The following UBR2 variants were observed in gnomAD, a reference collection of about 807,000 sequenced individuals.
The protein encoded by UBR2 is E3 ubiquitin-protein ligase UBR2.
UBR2 carries 92 observed loss-of-function variants against 247.9 expected under a neutral mutation model. That is an observed-to-expected ratio of 0.37 (90% CI 0.31 to 0.44). The LOEUF is 0.44. Among genes scored for constraint, UBR2 ranks in the 20% least tolerant of loss-of-function variants. UBR2 has a pLI of 1.00. For synonymous variants in UBR2, 672 were observed against 693.5 expected (o/e 0.97, Z 0.49); for missense variants, 1,613 against 2,112.6 (o/e 0.76, Z 4.64).
intron 26 of UBR2, among the ~76,000 whole-genome samples, chr6:42,657,597 T>A (rs1248766832): frequency 6.6e-6 from 1 of 152,254 alleles, no homozygotes; most frequent in Non-Finnish European, 1.5e-5. Flanking sequence ...AACTATGAAT[T>A]CCTAGGAGAA....
chr6:42,627,792 A>G (rs1161092026), intron 11 of UBR2, among the ~76,000 whole-genome samples: 1 of 152,110 alleles, frequency 6.6e-6, no homozygotes. Context: ...CATTACAGGC[A>G]TGAGCCACCA....
intron 1 of UBR2, among the ~76,000 whole-genome samples, chr6:42,566,833 GA>G (rs1294204717): frequency 6.6e-6 from 1 of 151,936 alleles, no homozygotes; most frequent in East Asian, 1.9e-4. Flanking sequence ...CTAGGCTCAA[GA>G]GATCCTCCTA....
intron 11 of UBR2, chr6:42,620,481 G>GTTTTTTTTTT (rs796314344): frequency 4.5e-4 from 30 of 66,672 alleles, no homozygotes; most frequent in African/African-American, 1.0e-3. Context: ...ATTAAGTGTT[G>GTTTTTTTTTT]TTTTTTTTTT....
intron 46 of UBR2, 120 bp from the exon 47 acceptor site, chr6:42,690,912 G>A: frequency 7.8e-7 from 1 of 1,282,180 alleles, no homozygotes; most frequent in Non-Finnish European, 1.1e-6. Flanking sequence ...CTGCCAGACA[G>A]AAATGTTGCA....
At chr6:42,616,626 A>G (rs1182821880) in intron 10 of UBR2, among the ~76,000 whole-genome samples, 1 of 148,904 alleles carries the variant, frequency 6.7e-6, no homozygotes, top group Non-Finnish European at 1.5e-5. Context: ...GAAAACATGT[A>G]TTTTGCTTTT....
chr6:42,565,804 C>T (rs961766410), intron 1 of UBR2, among the ~76,000 whole-genome samples: 1 of 152,042 alleles, frequency 6.6e-6, no homozygotes, highest in Admixed American at 6.6e-5. Context: ...AGGTGATCCA[C>T]CTGTTTGGGC....
intron 11 of UBR2, among the ~76,000 whole-genome samples, chr6:42,629,201 G>T (rs1455995989): frequency 6.6e-6 from 1 of 151,958 alleles, no homozygotes; most frequent in Non-Finnish European, 1.5e-5. Context: ...ATTTTTAGTA[G>T]AGAGGGGGTT....
chr6:42,615,753 A>T (rs1794499297), intron 9 of UBR2, among the ~76,000 whole-genome samples: 1 of 132,504 alleles, frequency 7.5e-6, no homozygotes, highest in South Asian at 2.3e-4. Flanking sequence ...GCAAGACCCT[A>T]AAAAAAAAAA....
Position 42,641,664 on chromosome 6 carries a change from G to C in UBR2, c.2003G>C (p.Arg668Thr). The change falls in exon 17 of 47, where the codon AGA becomes ACA. Residue 668 changes from arginine to threonine, a missense_variant. Coordinates refer to ENST00000372901, the MANE Select transcript of UBR2 (RefSeq NM_001363705.2). The part of the protein sequence containing the change: ...LCAQVHAGMW[R>T]RNGFSLVNQI... The stretch of plus-strand genomic sequence containing the variant: ...GCCCAAGTACATGCCGGAATGTGGA[G>C]AAGAAATGGGTTCTCTCTAGTAAAC... 1.9e-6 allele frequency: 3 copies of C among 1,609,934 alleles called. No individual in the cohort carries two copies. The highest frequency in any genetic ancestry group is 2.5e-6 in the Non-Finnish European group (3 of 1,178,544).
intron 11 of UBR2, among the ~76,000 whole-genome samples, chr6:42,620,801 T>TTTTGTTTG (rs150567240): frequency 2.0e-5 from 3 of 151,534 alleles, no homozygotes; most frequent in African/African-American, 7.3e-5. Context: ...CATGTACTAA[T>TTTTGTTTG]TTTGTTTGTT....
chr6:42,599,583 T>C (rs1793223067), intron 4 of UBR2, among the ~76,000 whole-genome samples: 1 of 151,988 alleles, frequency 6.6e-6, no homozygotes. Flanking sequence ...TTAGCAGAAT[T>C]ATTGCATGGT....
chr6:42,615,788 G>A (rs958059253), intron 9 of UBR2, among the ~76,000 whole-genome samples: 1 of 151,860 alleles, frequency 6.6e-6, no homozygotes, highest in African/African-American at 2.4e-5. Context: ...GCTGGGCATG[G>A]TGGTTCACAT....
In UBR2 at chr6:42,644,482, C is replaced by A; in HGVS notation, c.2230C>A (p.Gln744Lys). 6.2e-7 allele frequency: 1 copy of A among 1,611,814 alleles called. No individual in the cohort carries two copies. Among genetic ancestry groups the A allele is most frequent in the South Asian group, 1.1e-5 (1 of 90,890 alleles). The change falls in exon 20 of 47, where the codon CAG (glutamine) becomes AAG (lysine). Residue 744 changes from glutamine to lysine, a missense_variant. Around this residue, in one of 3 missense-constraint regions of UBR2, gnomAD observed 1,524 missense variants for 1,967.3 expected, o/e 0.77. Transcript: ENST00000372901. ...SSEITHKDVVQQNNTLIEEML... is the reference protein window; with the variant it reads ...SSEITHKDVVKQNNTLIEEML... ...CCCTCACTTGTTATAGGATGTTGTT[C>A]AGCAGAACAATACTCTAATAGAAGA...
At chr6:42,670,031 C>T (rs754305953) in intron 34 of UBR2, 61 bp from the exon 35 acceptor site, 56 of 1,571,728 alleles carry the variant, frequency 3.6e-5, no homozygotes, top group Admixed American at 8.7e-5. Context: ...GTTAAGAAAC[C>T]GAACCATTTG....
At chr6:42,605,621 A>C (rs1793650569) in intron 5 of UBR2, 100 bp from the exon 6 acceptor site, 1 of 1,061,562 alleles carries the variant, frequency 9.4e-7, no homozygotes, top group Admixed American at 2.4e-5. Context: ...TGTGTCCAGT[A>C]CCTAGCACAT....
In UBR2 at chr6:42,573,783, C is replaced by A. The variant is rs139450403; in HGVS notation, c.128C>A (p.Ala43Asp). The change falls in exon 2 of 47, where the codon GCC becomes GAC. Residue 43 changes from alanine (A) to aspartate (D), a missense_variant. Transcript: ENST00000372901. ...DLTREVYQHL[A>D]HYVPKIYCRG... is the part of the protein sequence containing the mutation. ...ACTAGAGAAGTGTACCAGCATTTAGCCCACTATGTACCCAAAATCTACTGC... is the reference window on the plus strand; with the variant it reads ...ACTAGAGAAGTGTACCAGCATTTAGACCACTATGTACCCAAAATCTACTGC... The A allele has an allele frequency of 1.9e-6, 3 of 1,609,862 alleles. No homozygotes were observed. Among genetic ancestry groups the A allele is most frequent in the Non-Finnish European group, 2.5e-6 (3 of 1,177,738 alleles).
intron 11 of UBR2, among the ~76,000 whole-genome samples, chr6:42,628,747 T>C (rs1387558438): frequency 6.7e-6 from 1 of 149,334 alleles, no homozygotes; most frequent in African/African-American, 2.5e-5. Flanking sequence ...AAAAAAATAG[T>C]GCTTATAATT....
At chr6:42,596,466 A>G (rs1274412117) in intron 4 of UBR2, among the ~76,000 whole-genome samples, 1 of 152,154 alleles carries the variant, frequency 6.6e-6, no homozygotes, top group African/African-American at 2.4e-5. Flanking sequence ...ACATTACCGT[A>G]TATTTCACAC....
chr6:42,568,917 C>T (rs750525179), intron 1 of UBR2, among the ~76,000 whole-genome samples: 4 of 152,108 alleles, frequency 2.6e-5, no homozygotes, highest in East Asian at 1.9e-4. Context: ...CTTTGAGCAT[C>T]GTGTGGGCAT....
Sources: allele counts gnomAD v4.1 joint callset (sites outside exome capture counted in the v4.1 genomes callset), GRCh38; gene constraint gnomAD v4.1.1; regional missense constraint gnomAD v4.1.1; transcripts MANE v1.5; gene names NCBI Gene and HGNC (gene_info 2026-07-23, HGNC 2026-07-21).